Variants in NAALADL2 observed in about 807,000 individuals in gnomAD.
The protein encoded by NAALADL2 is N-acetylated alpha-linked acidic dipeptidase like 2.
Under a neutral mutation model 87.2 loss-of-function variants are expected in NAALADL2, and 76 were observed. The observed-to-expected ratio is 0.87, with a 90% CI of 0.72 to 1.05. NAALADL2 has a LOEUF of 1.05. Ranked by LOEUF, NAALADL2 falls within the 50% of genes least tolerant of loss-of-function variation. The pLI is 0.00. For missense variants in NAALADL2, 1,089 were observed against 945.8 expected, an observed-to-expected ratio of 1.15 and a Z score of -1.99; for synonymous variants, 354 against 331.0, an observed-to-expected ratio of 1.07 and a Z score of -0.75.
At chr3:174,716,567 A>G (rs1027598275) in intron 2 of NAALADL2, among the ~76,000 whole-genome samples, 1 of 152,050 alleles carries the variant, frequency 6.6e-6, no homozygotes, top group South Asian at 2.1e-4. Context: ...TTATTGCATT[A>G]TAATAGTGGG....
At chr3:175,095,015 G>A (rs1040366292) in intron 1 of NAALADL2, among the ~76,000 whole-genome samples, 2 of 151,918 alleles carry the variant, frequency 1.3e-5, no homozygotes, top group African/African-American at 4.8e-5. Context: ...TTTCACATAC[G>A]AAGACCCTGT....
chr3:175,063,218 G>A (rs1396725493), intron 1 of NAALADL2, among the ~76,000 whole-genome samples: 1 of 152,126 alleles, frequency 6.6e-6, no homozygotes, highest in African/African-American at 2.4e-5. Flanking sequence ...CAGTGTCACA[G>A]AGTAACTTGG....
intron 2 of NAALADL2, among the ~76,000 whole-genome samples, chr3:174,640,867 G>T (rs561403625): frequency 6.6e-6 from 1 of 152,152 alleles, no homozygotes; most frequent in Non-Finnish European, 1.5e-5. Context: ...CATGGACTCC[G>T]GTTTCAAATT....
chr3:175,061,949 C>T (rs1395025522), intron 1 of NAALADL2, among the ~76,000 whole-genome samples: 1 of 151,954 alleles, frequency 6.6e-6, no homozygotes, highest in African/African-American at 2.4e-5. Context: ...GGAACTCATA[C>T]ATTATGGTAG....
At chr3:174,842,202 C>A (rs1050502639) in intron 3 of NAALADL2, among the ~76,000 whole-genome samples, 1 of 152,024 alleles carries the variant, frequency 6.6e-6, no homozygotes, top group Non-Finnish European at 1.5e-5. Flanking sequence ...CAGCCATGCA[C>A]CACCACGCCT....
chr3:175,178,258 A>G (rs567610063), intron 2 of NAALADL2, among the ~76,000 whole-genome samples: 1 of 152,188 alleles, frequency 6.6e-6, no homozygotes, highest in East Asian at 1.9e-4. Flanking sequence ...ATAATAGAAG[A>G]AAAGCCATCT....
intron 6 of NAALADL2, among the ~76,000 whole-genome samples, chr3:175,459,193 ATTAAAG>A (rs2149257320): frequency 6.6e-6 from 1 of 152,322 alleles, no homozygotes; most frequent in Non-Finnish European, 1.5e-5. Context: ...TAAAATAAGG[ATTAAAG>A]TTAAACTCAA....
chr3:175,800,233 C>G (rs563185609), intron 13 of NAALADL2, among the ~76,000 whole-genome samples: 1 of 151,650 alleles, frequency 6.6e-6, no homozygotes, highest in African/African-American at 2.4e-5. Context: ...GCTCCTTGGG[C>G]TACAGAGCTT....
At chr3:174,700,790 T>C (rs1375282673) in intron 2 of NAALADL2, among the ~76,000 whole-genome samples, 1 of 151,960 alleles carries the variant, frequency 6.6e-6, no homozygotes, top group African/African-American at 2.4e-5. Context: ...TGATATAGAG[T>C]GACTTAGAAG....
chr3:175,314,652 A>G (rs1302154839), intron 4 of NAALADL2, among the ~76,000 whole-genome samples: 1 of 107,102 alleles, frequency 9.3e-6, no homozygotes, highest in Non-Finnish European at 1.9e-5. Flanking sequence ...GTTTTCTAGT[A>G]TATATAGTTC....
chr3:174,724,645 A>G (rs1732017305), intron 2 of NAALADL2, among the ~76,000 whole-genome samples: 1 of 152,114 alleles, frequency 6.6e-6, no homozygotes, highest in Non-Finnish European at 1.5e-5. Context: ...AGATTTATTT[A>G]TTGCATATAG....
At chr3:175,619,938 A>G (rs1441373338) in intron 10 of NAALADL2, among the ~76,000 whole-genome samples, 1 of 151,900 alleles carries the variant, frequency 6.6e-6, no homozygotes, top group Admixed American at 6.6e-5. Context: ...AAAAGCCAAC[A>G]TGCCCAACCC....
intron 9 of NAALADL2, among the ~76,000 whole-genome samples, chr3:175,510,097 G>T (rs923406542): frequency 1.8e-4 from 27 of 151,748 alleles, no homozygotes; most frequent in Admixed American, 1.5e-3. Flanking sequence ...AGAATATGCG[G>T]TGTTTGGTTT....
chr3:174,658,567 C>T (rs1725206478), intron 2 of NAALADL2, among the ~76,000 whole-genome samples: 1 of 152,050 alleles, frequency 6.6e-6, no homozygotes, highest in Admixed American at 6.6e-5. Context: ...TAGTACAGAA[C>T]ACTGTGTGGA....
intron 4 of NAALADL2, among the ~76,000 whole-genome samples, chr3:175,261,223 A>T (rs754196425): frequency 1.3e-5 from 2 of 152,166 alleles, no homozygotes; most frequent in Admixed American, 6.5e-5. Flanking sequence ...CCTGACACAT[A>T]GTAAAACAGA....
upstream of NAALADL2, among the ~76,000 whole-genome samples, chr3:174,858,785 A>G (rs1726135466): frequency 6.6e-6 from 1 of 151,934 alleles, no homozygotes; most frequent in South Asian, 2.1e-4. Context: ...TCTTCGTACT[A>G]ATCATACATA....
intron 9 of NAALADL2, among the ~76,000 whole-genome samples, chr3:175,541,877 C>T (rs757569941): frequency 1.1e-4 from 16 of 152,124 alleles, no homozygotes; most frequent in African/African-American, 3.9e-4. Context: ...TGTGACACCA[C>T]GCCCAGCTAA....
intron 5 of NAALADL2, among the ~76,000 whole-genome samples, chr3:175,370,680 A>C (rs1043934794): frequency 6.6e-6 from 1 of 152,136 alleles, no homozygotes; most frequent in South Asian, 2.1e-4. Context: ...GGATGTGGCT[A>C]TTGTACTTGA....
intron 12 of NAALADL2, among the ~76,000 whole-genome samples, chr3:175,738,536 C>T (rs910491517): frequency 3.9e-5 from 6 of 152,134 alleles, no homozygotes; most frequent in Non-Finnish European, 8.8e-5. Flanking sequence ...CATGAGCCAC[C>T]GCACCTGGCC....
Sources: allele counts gnomAD v4.1 joint callset (sites outside exome capture counted in the v4.1 genomes callset), GRCh38; gene constraint gnomAD v4.1.1; transcripts MANE v1.5; gene names NCBI Gene and HGNC (gene_info 2026-07-23, HGNC 2026-07-21).